PPFIA1: variants seen among roughly 807,000 people sequenced by gnomAD.
PPFIA1 encodes liprin-alpha-1.
PPFIA1 carries 25 observed loss-of-function variants against 149.9 expected under a neutral mutation model. The observed-to-expected ratio is 0.17, with a 90% CI of 0.12 to 0.23. The LOEUF (loss-of-function observed/expected upper bound fraction) is 0.23. PPFIA1 is among the 10% of genes least tolerant of loss of function. The probability of loss-of-function intolerance (pLI) is 1.00; values close to 1 mark genes in which losing one functional copy is unlikely to be tolerated. For missense variants in PPFIA1, 1,362 were observed against 1,506.5 expected (o/e 0.90, Z 1.59); for synonymous variants, 549 against 552.8 (o/e 0.99, Z 0.10).
At chr11:70,272,743 G>A (rs918229624) in intron 2 of PPFIA1, among the ~76,000 whole-genome samples, 4 of 152,146 alleles carry the variant, frequency 2.6e-5, no homozygotes, top group Non-Finnish European at 5.9e-5. Flanking sequence ...TCTATTTGGT[G>A]CCTCCATTCT....
intron 7 of PPFIA1, 197 bp from the exon 8 acceptor site, chr11:70,329,976 G>A: frequency 1.9e-6 from 1 of 521,132 alleles, no homozygotes; most frequent in Non-Finnish European, 3.3e-6. Context: ...TGAACTCCTT[G>A]CCTGAAGCCA....
chr11:70,342,652 T>C (rs556145994), intron 14 of PPFIA1, among the ~76,000 whole-genome samples: 2 of 152,190 alleles, frequency 1.3e-5, no homozygotes, highest in African/African-American at 2.4e-5. Flanking sequence ...TAGAGGGAAC[T>C]TGAAAACACT....
At chr11:70,346,546 G>A (rs998833620) in intron 15 of PPFIA1, among the ~76,000 whole-genome samples, 1 of 152,120 alleles carries the variant, frequency 6.6e-6, no homozygotes, top group Non-Finnish European at 1.5e-5. Flanking sequence ...GAAAACTGGC[G>A]AAGAGACCTC....
intron 4 of PPFIA1, 140 bp downstream of exon 4, chr11:70,325,151 T>A (rs920307012): frequency 4.9e-5 from 39 of 802,150 alleles, no homozygotes; most frequent in Non-Finnish European, 9.2e-6. Context: ...GTTTTGTAGG[T>A]TTAAAAAGTA....
rs770546542 is a variant in PPFIA1 at position 70,326,865 on chromosome 11, G to A, written c.930+47G>A. 9.2e-6 allele frequency: 14 copies of A among 1,513,772 alleles called. No individual in the cohort carries two copies. In the South Asian group the frequency reaches 9.3e-5, roughly 10 times the overall value. 93.8% of individuals were successfully genotyped at this position (1,513,772 alleles called of 1,614,324 possible). A position where few individuals can be genotyped will look rare whatever the true frequency, so the allele number is the denominator to read the frequency against. On this transcript the variant is annotated intron_variant, in intron 7 of 27. Coordinates refer to ENST00000253925, the MANE Select transcript of PPFIA1 (RefSeq NM_003626.5). ...AGTCTTGTCATGAAGTTGTATGTTT[G>A]GGACGTTTTAGTTAAATGATTTTTT...
intron 19 of PPFIA1, 60 bp downstream of exon 19, chr11:70,356,314 A>T: frequency 7.7e-7 from 1 of 1,300,244 alleles, no homozygotes; most frequent in Non-Finnish European, 1.1e-6. Flanking sequence ...CTAAGCTCTA[A>T]CTAGTGTTTG....
chr11:70,330,785 A>AAAT (rs10668403), intron 8 of PPFIA1, among the ~76,000 whole-genome samples: 66,699 of 151,618 alleles, frequency 0.44, 16,241 homozygotes, highest in African/African-American at 0.65. Flanking sequence ...GAAAATTAAT[A>AAAT]AATTAGCCGG....
chr11:70,326,505 G>A, intron 6 of PPFIA1, 92 bp from the exon 7 acceptor site: 1 of 1,304,526 alleles, frequency 7.7e-7, no homozygotes, highest in South Asian at 1.3e-5. Context: ...GATTGCATAA[G>A]TCAGTTTTGA....
intron 10 of PPFIA1, 81 bp from the exon 11 acceptor site, chr11:70,335,482 C>T (rs767906938): frequency 1.0e-5 from 16 of 1,527,776 alleles, no homozygotes; most frequent in African/African-American, 1.4e-5. Context: ...ACATGGGGCT[C>T]ACCCTGTTGG....
chr11:70,287,308 C>CT (rs1042344797), intron 2 of PPFIA1, among the ~76,000 whole-genome samples: 4 of 151,926 alleles, frequency 2.6e-5, no homozygotes, highest in African/African-American at 9.7e-5. Context: ...TTGCAGACTC[C>CT]TTTTTTTTGT....
At chr11:70,356,949 C>T (rs1439156760) in intron 19 of PPFIA1, among the ~76,000 whole-genome samples, 1 of 152,166 alleles carries the variant, frequency 6.6e-6, no homozygotes, top group Non-Finnish European at 1.5e-5. Context: ...CAAAGGAGAA[C>T]AGGCATTGTG....
At chr11:70,295,289 C>A (rs2051847234) in intron 2 of PPFIA1, among the ~76,000 whole-genome samples, 1 of 131,772 alleles carries the variant, frequency 7.6e-6, no homozygotes, top group Non-Finnish European at 1.6e-5. Context: ...GGGCTGACCC[C>A]CCCACCTCCC....
intron 14 of PPFIA1, chr11:70,342,155 G>C (rs1453495282): frequency 6.6e-6 from 1 of 152,652 alleles, no homozygotes; most frequent in South Asian, 2.1e-4. Context: ...TGAGATGGGG[G>C]AGAAGATGTC....
Position 70,367,561 on chromosome 11 carries a change from G to A in PPFIA1, c.2866-4654G>A, listed in dbSNP as rs752037627. On this transcript the variant is annotated intron_variant, in intron 21 of 27. Transcript: ENST00000253925. ...AGTGGGTGTCTCTTCTAGTTCAGAT[G>A]TTCTCTGGACTGACATCACCTGGTA... 1.6e-4 allele frequency: 72 copies of A among 455,876 alleles called. No individual in the cohort carries two copies. In the Middle Eastern group the frequency reaches 3.5e-3, roughly 22 times the overall value. The allele number at this position is 455,876 out of a possible 1,614,324, so 28.2% of individuals were successfully genotyped here. A position where few individuals can be genotyped will look rare whatever the true frequency, so the allele number is the denominator to read the frequency against.
At chr11:70,330,772 A>G (rs1188187233) in intron 8 of PPFIA1, among the ~76,000 whole-genome samples, 1 of 125,512 alleles carries the variant, frequency 8.0e-6, no homozygotes. Context: ...GCCTGTCTCT[A>G]CAGAAAATTA....
In PPFIA1 at chr11:70,339,598, G is replaced by A. The variant is rs545131901; in HGVS notation, c.1707+292G>A. The stretch of plus-strand genomic sequence containing the variant: ...GCCTCACAAAGTGCTGGGACTACAG[G>A]TGTGAGCCACCGTGCCTGGCCTCTG... On this transcript the variant is annotated intron_variant, in intron 14 of 27. Transcript: ENST00000253925. 1.3e-5 allele frequency among the ~76,000 whole-genome samples: 2 copies of A among 149,112 alleles called. 1 individual carries two copies. Among genetic ancestry groups the A allele is most frequent in the South Asian group, 4.2e-4 (2 of 4,734 alleles).
chr11:70,272,486 T>G (rs1280993353), intron 2 of PPFIA1, 50 bp downstream of exon 2: 4 of 1,512,678 alleles, frequency 2.6e-6, no homozygotes, highest in Non-Finnish European at 2.7e-6. Flanking sequence ...ACTAAATGTT[T>G]TTTTATTAGT....
chr11:70,310,459 C>T (rs1002578202), intron 2 of PPFIA1, among the ~76,000 whole-genome samples: 3 of 149,966 alleles, frequency 2.0e-5, no homozygotes, highest in Non-Finnish European at 2.9e-5. Flanking sequence ...AATCTTGGCT[C>T]ACTGCAACCT....
rs966284236 is a variant in PPFIA1, at chr11:70,362,452, G to A, written c.2829G>A (p.Ser943=). The A allele has an allele frequency of 1.7e-5, 28 of 1,613,908 alleles. No homozygotes were observed. The highest frequency in any genetic ancestry group is 2.4e-5 in the Non-Finnish European group (28 of 1,179,972). The change falls in exon 21 of 28, where the codon TCG becomes TCA. Residue 943 remains serine (S), a synonymous_variant. Coordinates refer to ENST00000253925, the MANE Select transcript of PPFIA1 (RefSeq NM_003626.5). Reference sequence around the variant, plus strand: ...GGCTGGCCATCCAGGAGATCATGTCGCTGACCAGCCCGTCTGCCCCGCCCA... The same window carrying A: ...GGCTGGCCATCCAGGAGATCATGTCACTGACCAGCCCGTCTGCCCCGCCCA... ...KLRLAIQEIM[S]LTSPSAPPTS...
Sources: allele counts gnomAD v4.1 joint callset (sites outside exome capture counted in the v4.1 genomes callset), GRCh38; gene constraint gnomAD v4.1.1; transcripts MANE v1.5; gene names NCBI Gene and HGNC (gene_info 2026-07-23, HGNC 2026-07-21).